Variants in ITK observed in about 807,000 individuals in gnomAD.
ITK encodes the protein IL2 inducible T cell kinase.
In ITK, 45 loss-of-function variants were observed where a neutral mutation model predicts 87.6. The ratio of observed to expected loss-of-function variants is 0.51; its 90% CI spans 0.40 to 0.66. The LOEUF is 0.66. ITK is among the 30% of genes least tolerant of loss of function. ITK has a pLI of 0.00. For synonymous variants in ITK, 303 were observed against 273.6 expected (o/e 1.11, Z -1.06); for missense variants, 605 against 766.3 (o/e 0.79, Z 2.48).
At chr5:157,236,955 A>G (rs1016010004) in intron 8 of ITK, among the ~76,000 whole-genome samples, 2 of 152,114 alleles carry the variant, frequency 1.3e-5, no homozygotes, top group African/African-American at 4.8e-5. Context: ...ATCCTTATAC[A>G]CTGTTGGTAG....
rs755833813 is a variant in ITK, at chr5:157,214,315, G to C, written c.450G>C (p.Lys150Asn). Residue 150 changes from lysine to asparagine, a missense_variant, in exon 4 of 17, where the codon AAG becomes AAC. Lys to Asn is a moderately conservative substitution (Grantham distance 94). This residue lies in a region of ITK where 464 missense variants were observed against 578.0 expected (regional missense o/e 0.80). Coordinates refer to ENST00000422843, the MANE Select transcript of ITK (RefSeq NM_005546.4). ...GCTGTGCCCAATATGATCCAACCAA[G>C]AATGGTAAGAGACTGGGAATTCCCT... ...ATGCAQYDPT[K>N]NASKKPLPPT... 5.6e-6 allele frequency: 9 copies of C among 1,613,298 alleles called. No homozygotes were observed. Among genetic ancestry groups the C allele is most frequent in the Admixed American group, 3.3e-5 (2 of 60,026 alleles).
At chr5:157,234,475 A>G (rs1464426828) in intron 8 of ITK, among the ~76,000 whole-genome samples, 1 of 152,156 alleles carries the variant, frequency 6.6e-6, no homozygotes, top group Non-Finnish European at 1.5e-5. Context: ...AGGTGTATTT[A>G]GAGTCTTTTT....
intron 1 of ITK, among the ~76,000 whole-genome samples, chr5:157,197,051 A>C (rs900002653): frequency 2.7e-4 from 41 of 152,200 alleles, no homozygotes; most frequent in Non-Finnish European, 1.8e-4. Flanking sequence ...ACATGTTTTC[A>C]ACATGCTAGG....
At position 157,205,087 on chromosome 5, in the gene ITK, T is replaced by C. The variant is rs73814039; in HGVS notation, c.139-3802T>C. On this transcript the variant is annotated intron_variant, in intron 1 of 16. Coordinates refer to ENST00000422843, the MANE Select transcript of ITK (RefSeq NM_005546.4). ...CAAATCTCTTGCGATAGTTAAGGCT[T>C]CCTTAACTTCTTTAATTGGGAAGAT... Among the ~76,000 whole-genome samples, 686 of 152,344 alleles carry C rather than the reference T, an allele frequency of 4.5e-3. 5 individuals carry two copies. Among genetic ancestry groups the C allele is most frequent in the African/African-American group, 0.016 (646 of 41,578 alleles).
chr5:157,185,526 C>T (rs542512525), intron 1 of ITK, among the ~76,000 whole-genome samples: 2 of 152,194 alleles, frequency 1.3e-5, no homozygotes, highest in Admixed American at 1.3e-4. Context: ...AGATGTGAGC[C>T]ATCGCGCCTG....
intron 8 of ITK, 92 bp from the exon 9 acceptor site, chr5:157,238,017 A>G: frequency 1.1e-6 from 1 of 915,498 alleles, no homozygotes; most frequent in South Asian, 1.3e-5. Context: ...GGCCTACAGT[A>G]TTTCCTCCTT....
intron 1 of ITK, among the ~76,000 whole-genome samples, chr5:157,184,035 G>A (rs1300538055): frequency 6.6e-6 from 1 of 152,120 alleles, no homozygotes; most frequent in African/African-American, 2.4e-5. Context: ...TTTCAGAGGG[G>A]CCAAGAAGCG....
chr5:157,180,959 A>G lies in ITK; in HGVS notation c.-19A>G. On this transcript the variant is annotated 5_prime_UTR_variant, in exon 1 of 17. Coordinates refer to ENST00000422843, the MANE Select transcript of ITK (RefSeq NM_005546.4). The stretch of plus-strand genomic sequence containing the variant: ...TAAGAGGTGATGCCCAAGGTGCACC[A>G]CCTTTCAAGAACTGGATCATGAACA... 6.2e-7 allele frequency: 1 copy of G among 1,613,358 alleles called. No individual in the cohort carries two copies. Among genetic ancestry groups the G allele is most frequent in the South Asian group, 1.1e-5 (1 of 91,074 alleles).
intron 1 of ITK, among the ~76,000 whole-genome samples, chr5:157,203,595 C>T (rs1754019199): frequency 6.6e-6 from 1 of 152,322 alleles, no homozygotes; most frequent in Admixed American, 6.5e-5. Context: ...ACCTCAAGCT[C>T]GTGCACCCTG....
chr5:157,244,389 T>C lies in ITK; in HGVS notation c.1360T>C (p.Phe454Leu). 1.2e-6 allele frequency: 2 copies of C among 1,614,040 alleles called. No homozygotes were observed. The highest frequency in any genetic ancestry group is 1.7e-6 in the Non-Finnish European group (2 of 1,179,970). The change falls in exon 13 of 17, where the codon TTT becomes CTT. Residue 454 changes from phenylalanine to leucine, a missense_variant. Physicochemically the swap from Phe to Leu is conservative, Grantham distance 22 (BLOSUM62 0). This residue lies in a region of ITK where 464 missense variants were observed against 578.0 expected (regional missense o/e 0.80). Transcript: ENST00000422843. ...TTATCTACGCACCCAGCGGGGACTT[T>C]TTGCTGCAGAGACCCTGCTGGGCAT... ...SDYLRTQRGL[F>L]AAETLLGMCL...
intron 10 of ITK, chr5:157,241,187 C>T (rs1754889482): frequency 6.4e-6 from 1 of 156,970 alleles, no homozygotes; most frequent in Non-Finnish European, 1.4e-5. Context: ...ATCTGCCCGC[C>T]TCAGCCTCCC....
Position 157,243,681 on chromosome 5 carries a change from A to G in ITK, c.1119A>G (p.Gln373=), listed in dbSNP as rs189091977. 260 of 1,613,630 alleles carry G rather than the reference A, an allele frequency of 1.6e-4. No individual in the cohort carries two copies. The highest frequency in any genetic ancestry group is 2.1e-4 in the Non-Finnish European group (248 of 1,179,954). The change falls in exon 12 of 17, where the codon CAA becomes CAG. Residue 373 remains glutamine (Q), a synonymous_variant. Coordinates refer to ENST00000422843, the MANE Select transcript of ITK (RefSeq NM_005546.4). ...LTFVQEIGSG[Q]FGLVHLGYWL... ...TTGTGCAAGAGATTGGCAGTGGGCA[A>G]TTTGGGTTGGTGCATCTGGGCTACT...
intron 1 of ITK, among the ~76,000 whole-genome samples, chr5:157,196,763 A>G (rs1464362593): frequency 3.3e-5 from 5 of 152,236 alleles, no homozygotes; most frequent in Admixed American, 3.3e-4. Flanking sequence ...AATGCAATGA[A>G]GTTTTTATGC....
Position 157,240,483 on chromosome 5 carries a change from AG to A in ITK, c.985+290del, listed in dbSNP as rs1754867830. 1.0e-5 allele frequency: 5 copies of A among 480,194 alleles called. 1 individual carries two copies. The highest frequency in any genetic ancestry group is 1.2e-3 in the Middle Eastern group (2 of 1,730). The allele number at this position is 480,194 out of a possible 1,614,324, so 29.7% of individuals were successfully genotyped here. On this transcript the variant is annotated intron_variant, in intron 10 of 16. Transcript: ENST00000422843. Reference sequence around the variant, plus strand: ...ACAAAGCCGATCCCTGGTGCCAAAAAGGTTGGGGACTGCTGCTCTAGAGGAC... The same window carrying A: ...ACAAAGCCGATCCCTGGTGCCAAAAAGTTGGGGACTGCTGCTCTAGAGGAC...
At chr5:157,222,060 C>A (rs1357307585) in intron 5 of ITK, among the ~76,000 whole-genome samples, 1 of 152,006 alleles carries the variant, frequency 6.6e-6, no homozygotes, top group African/African-American at 2.4e-5. Flanking sequence ...CTTTTTTCAG[C>A]TCCAGTATTT....
In ITK at chr5:157,240,941, C is replaced by CTT. The variant is rs35181977; in HGVS notation, c.986-692_986-691dup. 507 of 139,170 alleles carry CTT rather than the reference C, an allele frequency of 3.6e-3. 3 individuals are homozygous for CTT. Among genetic ancestry groups the CTT allele is most frequent in the East Asian group, 0.018 (88 of 4,808 alleles). 8.6% of individuals were successfully genotyped at this position (139,170 alleles called of 1,614,324 possible). On this transcript the variant is annotated intron_variant, in intron 10 of 16. Transcript: ENST00000422843. ...TCTTTTCCTTTCTTTTCTTTTCTTT[C>CTT]TTTTTTTTTTTTTTGAGACAGAGTT...
At chr5:157,205,080 T>G (rs866226344) in intron 1 of ITK, among the ~76,000 whole-genome samples, 11 of 152,232 alleles carry the variant, frequency 7.2e-5, no homozygotes, top group African/African-American at 2.4e-4. Context: ...TTGCGATAGT[T>G]AAGGCTTCCT....
intron 1 of ITK, among the ~76,000 whole-genome samples, chr5:157,191,680 T>C (rs1272718055): frequency 6.6e-6 from 1 of 152,214 alleles, no homozygotes; most frequent in Non-Finnish European, 1.5e-5. Context: ...AAAGTAATCA[T>C]TTTTCATATA....
intron 1 of ITK, among the ~76,000 whole-genome samples, chr5:157,208,259 G>A (rs1021728560): frequency 1.3e-5 from 2 of 152,186 alleles, no homozygotes; most frequent in South Asian, 4.1e-4. Context: ...ATACCATCAT[G>A]TGAATTAGTT....
Sources: gnomAD v4.1 joint callset for allele counts (sites outside exome capture counted in the v4.1 genomes callset) on GRCh38, gnomAD v4.1.1 for gene constraint, gnomAD v4.1.1 regional missense constraint, MANE v1.5 for transcripts, NCBI Gene and HGNC (gene_info 2026-07-23, HGNC 2026-07-21) for gene names.